Variants in ADAM12 observed in about 807,000 individuals in gnomAD.
ADAM12 encodes the protein disintegrin and metalloproteinase domain-containing protein 12.
Under a neutral mutation model 106.4 loss-of-function variants are expected in ADAM12, and 70 were observed. The ratio of observed to expected loss-of-function variants is 0.66; its 90% CI spans 0.54 to 0.80. The LOEUF (loss-of-function observed/expected upper bound fraction) is 0.80. Among genes scored for constraint, ADAM12 ranks in the 30% least tolerant of loss-of-function variants. The pLI, the probability that ADAM12 is intolerant of heterozygous loss-of-function variation, is 0.00. For synonymous variants in ADAM12, 420 were observed against 433.5 expected, an observed-to-expected ratio of 0.97 and a Z score of 0.39; for missense variants, 1,010 against 1,171.9, an observed-to-expected ratio of 0.86 and a Z score of 2.02.
Position 126,160,981 on chromosome 10 carries a change from G to A in ADAM12, c.261-5676C>T, listed in dbSNP as rs145849265. Among the ~76,000 whole-genome samples the A allele has an allele frequency of 1.2e-4, 18 of 152,308 alleles. 1 individual carries two copies. Among genetic ancestry groups the A allele is most frequent in the African/African-American group, 1.9e-4 (8 of 41,566 alleles). On this transcript the variant is annotated intron_variant, in intron 3 of 22. Coordinates refer to ENST00000448723, the MANE Select transcript of ADAM12 (RefSeq NM_001288973.2). The stretch of plus-strand genomic sequence containing the variant: ...TCATCCTTCTGCTCTTGGTTTCAGT[G>A]TTGTCTCTCCAGAGGGTCCTTTCCT...
Position 126,080,722 on chromosome 10 carries a change from A to G in ADAM12, c.1146-9068T>C, listed in dbSNP as rs114769101. On this transcript the variant is annotated intron_variant, in intron 11 of 22. Coordinates refer to ENST00000448723, the MANE Select transcript of ADAM12 (RefSeq NM_001288973.2). ...CAAGGTTAAAAATAAAAAGAGGATG[A>G]AACAGACAGCTGGGTGATTTTGGGG... is the stretch of plus-strand genomic sequence containing the variant. Among the ~76,000 whole-genome samples, 1,220 of 151,974 alleles carry G rather than the reference A, an allele frequency of 8.0e-3. 19 individuals carry two copies. The highest frequency in any genetic ancestry group is 0.027 in the African/African-American group (1,137 of 41,350).
intron 3 of ADAM12, among the ~76,000 whole-genome samples, chr10:126,163,177 C>CT (rs1161611353): frequency 1.3e-5 from 2 of 152,160 alleles, no homozygotes; most frequent in East Asian, 1.9e-4. Flanking sequence ...CCAATGAAAC[C>CT]TTTTTTCTTT....
intron 5 of ADAM12, among the ~76,000 whole-genome samples, chr10:126,121,133 A>G (rs1284420351): frequency 4.8e-5 from 2 of 41,340 alleles, no homozygotes; most frequent in Admixed American, 4.0e-4. Flanking sequence ...TATATATACT[A>G]TATACTATAT....
At chr10:126,042,423 G>A (rs1181840679) in intron 18 of ADAM12, among the ~76,000 whole-genome samples, 1 of 152,124 alleles carries the variant, frequency 6.6e-6, no homozygotes, top group African/African-American at 2.4e-5. Flanking sequence ...GTAAATCTTA[G>A]CGAGATCACA....
chr10:126,250,156 C>A (rs985456282), intron 3 of ADAM12, among the ~76,000 whole-genome samples: 14 of 152,186 alleles, frequency 9.2e-5, no homozygotes, highest in African/African-American at 3.1e-4. Flanking sequence ...TCAAAGTCCT[C>A]GCATGAGGTT....
At chr10:126,057,209 T>G (rs1954646964) in intron 14 of ADAM12, among the ~76,000 whole-genome samples, 1 of 48,284 alleles carries the variant, frequency 2.1e-5, no homozygotes, top group Admixed American at 3.0e-4. Flanking sequence ...CCAGTGATGA[T>G]GAGCCCGGGG....
chr10:126,278,901 A>G lies in ADAM12; in HGVS notation c.260+14T>C. On this transcript the variant is annotated intron_variant, in intron 3 of 22. Coordinates refer to ENST00000448723, the MANE Select transcript of ADAM12 (RefSeq NM_001288973.2). ...AACTTTCTCCTATCATGCAATAAAC[A>G]AGAATTAACTTACTCATTTCTTTCC... 6.3e-7 allele frequency: 1 copy of G among 1,591,334 alleles called. No homozygotes were observed. The highest frequency in any genetic ancestry group is 2.2e-5 in the East Asian group (1 of 44,696).
intron 2 of ADAM12, among the ~76,000 whole-genome samples, chr10:126,310,001 A>G (rs1404097021): frequency 6.6e-6 from 1 of 152,004 alleles, no homozygotes; most frequent in Non-Finnish European, 1.5e-5. Context: ...TCTACTAAAA[A>G]TACAAAAATT....
Position 126,285,413 on chromosome 10 carries a change from C to T in ADAM12, c.187-6425G>A, listed in dbSNP as rs143933388. The stretch of plus-strand genomic sequence containing the variant: ...AAGGCACTGACATTTATTGATATCC[C>T]TATTTACCTGTATGCATGCAGGCAT... On this transcript the variant is annotated intron_variant, in intron 2 of 22. Coordinates refer to ENST00000448723, the MANE Select transcript of ADAM12 (RefSeq NM_001288973.2). 4.1e-3 allele frequency among the ~76,000 whole-genome samples: 623 copies of T among 152,322 alleles called. 2 individuals carry two copies. Among genetic ancestry groups the T allele is most frequent in the Non-Finnish European group, 4.7e-3 (321 of 68,030 alleles).
chr10:126,054,860 G>A (rs1474715499), intron 14 of ADAM12, among the ~76,000 whole-genome samples: 1 of 152,120 alleles, frequency 6.6e-6, no homozygotes, highest in African/African-American at 2.4e-5. Context: ...GGACTTTAGG[G>A]CTGGGGGTGT....
chr10:126,268,105 A>G (rs1959136151), intron 3 of ADAM12, among the ~76,000 whole-genome samples: 1 of 152,176 alleles, frequency 6.6e-6, no homozygotes. Flanking sequence ...AACTTTGCCC[A>G]CCAAACGCCT....
intron 3 of ADAM12, among the ~76,000 whole-genome samples, chr10:126,232,244 A>T (rs528504683): frequency 6.6e-6 from 1 of 152,274 alleles, no homozygotes; most frequent in East Asian, 1.9e-4. Flanking sequence ...GGAGGGTCAG[A>T]GTCAGAGAGA....
intron 3 of ADAM12, among the ~76,000 whole-genome samples, chr10:126,169,460 C>A (rs1957081255): frequency 6.6e-6 from 1 of 152,128 alleles, no homozygotes; most frequent in Non-Finnish European, 1.5e-5. Context: ...TTAGTAGATG[C>A]TCAATAAACA....
intron 14 of ADAM12, among the ~76,000 whole-genome samples, chr10:126,050,217 G>A (rs1251053691): frequency 6.6e-6 from 1 of 152,212 alleles, no homozygotes; most frequent in East Asian, 1.9e-4. Context: ...TTGCAAGGCA[G>A]AGATTTCTCT....
At chr10:126,299,658 C>CT (rs915117667) in intron 2 of ADAM12, among the ~76,000 whole-genome samples, 3 of 149,646 alleles carry the variant, frequency 2.0e-5, no homozygotes, top group Admixed American at 6.6e-5. Flanking sequence ...TTTTTTTTTT[C>CT]TTTTTTTAAC....
chr10:126,259,560 T>C (rs557463694), intron 3 of ADAM12, among the ~76,000 whole-genome samples: 15 of 152,302 alleles, frequency 9.8e-5, no homozygotes, highest in Non-Finnish European at 2.2e-4. Flanking sequence ...AGCAAAATAT[T>C]TTACTATGGG....
At chr10:126,168,567 G>A (rs2133757398) in intron 3 of ADAM12, among the ~76,000 whole-genome samples, 1 of 152,044 alleles carries the variant, frequency 6.6e-6, no homozygotes, top group South Asian at 2.1e-4. Context: ...CATTTCTCCG[G>A]TCCCAGCCAC....
chr10:126,246,918 A>G (rs1247803708), intron 3 of ADAM12, among the ~76,000 whole-genome samples: 2 of 152,218 alleles, frequency 1.3e-5, no homozygotes, highest in South Asian at 2.1e-4. Context: ...AGGGCATCCA[A>G]ATACGAAGAG....
intron 21 of ADAM12, among the ~76,000 whole-genome samples, chr10:126,031,804 C>T (rs1953975607): frequency 6.6e-6 from 1 of 152,182 alleles, no homozygotes; most frequent in African/African-American, 2.4e-5. Context: ...AACTGAAGAT[C>T]TCCACCTCTG....
Sources: gnomAD v4.1 joint callset for allele counts (sites outside exome capture counted in the v4.1 genomes callset) on GRCh38, gnomAD v4.1.1 for gene constraint, MANE v1.5 for transcripts, NCBI Gene and HGNC (gene_info 2026-07-23, HGNC 2026-07-21) for gene names.